The following ZNF670 variants were observed in gnomAD, a reference collection of about 807,000 sequenced individuals.
ZNF670 encodes the protein zinc finger protein 670.
ZNF670 carries 7 observed loss-of-function variants against 10.9 expected under a neutral mutation model. That is an observed-to-expected ratio of 0.64 (90% confidence interval 0.36 to 1.20). The LOEUF (loss-of-function observed/expected upper bound fraction) is 1.20. Among genes scored for constraint, ZNF670 ranks in the 50% most tolerant of loss-of-function variants. ZNF670 has a pLI of 0.02. For missense variants in ZNF670, 446 were observed against 458.6 expected, an observed-to-expected ratio of 0.97 and a Z score of 0.25; for synonymous variants, 136 against 152.7, an observed-to-expected ratio of 0.89 and a Z score of 0.81.
At position 247,078,623 on chromosome 1, in the gene ZNF670, T is replaced by A. The variant is rs1671312857; in HGVS notation, c.-27A>T. 6.2e-7 allele frequency: 1 copy of A among 1,613,240 alleles called. No individual in the cohort carries two copies. The highest frequency in any genetic ancestry group is 8.5e-7 in the Non-Finnish European group (1 of 1,179,674). ...TCCCAGTCTCCGGTGTCTGGGGTCCTCCCTAAGGACCTTCCGGGACCTGCA... is the reference window on the plus strand; with the variant it reads ...TCCCAGTCTCCGGTGTCTGGGGTCCACCCTAAGGACCTTCCGGGACCTGCA... On this transcript the variant is annotated 5_prime_UTR_variant, in exon 1 of 4. Coordinates refer to ENST00000366503, the MANE Select transcript of ZNF670 (RefSeq NM_033213.5).
intron 1 of ZNF670, among the ~76,000 whole-genome samples, chr1:247,064,724 G>A (rs939982224): frequency 1.3e-5 from 2 of 152,186 alleles, no homozygotes; most frequent in East Asian, 1.9e-4. Context: ...TCTGCAATTC[G>A]GGACGAGGCT....
intron 1 of ZNF670, among the ~76,000 whole-genome samples, chr1:247,045,803 T>C (rs1670429854): frequency 6.6e-6 from 1 of 152,064 alleles, no homozygotes; most frequent in East Asian, 1.9e-4. Flanking sequence ...TGAGGAAAAT[T>C]AGAACTTTTT....
chr1:247,066,414 A>G (rs548456323), intron 1 of ZNF670, among the ~76,000 whole-genome samples: 1 of 152,262 alleles, frequency 6.6e-6, no homozygotes, highest in South Asian at 2.1e-4. Flanking sequence ...TGGAAAAGAG[A>G]ACTGCTCAGA....
chr1:247,073,300 G>A lies in ZNF670; in HGVS notation c.3+5294C>T, dbSNP rs186388537. 3.9e-5 allele frequency among the ~76,000 whole-genome samples: 6 copies of A among 152,228 alleles called. No individual in the cohort carries two copies. The East Asian group carries it at 1.2e-3, about 29-fold the overall frequency. On this transcript the variant is annotated intron_variant, in intron 1 of 3. Coordinates refer to ENST00000366503, the MANE Select transcript of ZNF670 (RefSeq NM_033213.5). Reference sequence around the variant, plus strand: ...TGATAACCCAGCAAGATTTTATAAAGATGAACCCTGTGCTCAGTAGGTTAA... The same window carrying A: ...TGATAACCCAGCAAGATTTTATAAAAATGAACCCTGTGCTCAGTAGGTTAA...
intron 1 of ZNF670, among the ~76,000 whole-genome samples, chr1:247,042,220 G>C (rs1277593227): frequency 6.6e-6 from 1 of 152,156 alleles, no homozygotes; most frequent in African/African-American, 2.4e-5. Flanking sequence ...TAAGTAAATT[G>C]AGCAGCACAG....
intron 1 of ZNF670, among the ~76,000 whole-genome samples, chr1:247,076,558 T>C (rs1410498669): frequency 3.9e-5 from 6 of 152,032 alleles, no homozygotes; most frequent in Non-Finnish European, 7.4e-5. Flanking sequence ...ACCTGGCCTG[T>C]GTGCCTGAAT....
intron 1 of ZNF670, among the ~76,000 whole-genome samples, chr1:247,056,688 T>C (rs990395726): frequency 3.3e-5 from 5 of 151,980 alleles, no homozygotes; most frequent in Non-Finnish European, 7.4e-5. Flanking sequence ...GATCATCAGG[T>C]GAGGAGTTCG....
rs760332554 is a variant in ZNF670, at chr1:247,039,564, G to T, written c.4-27C>A. On this transcript the variant is annotated intron_variant, in intron 1 of 3. Transcript: ENST00000366503. ...TAGAATATCGCACATATGTGGAGAG[G>T]AGGATGGCTTAGACAGACAGTACTA... 2.6e-6 allele frequency: 4 copies of T among 1,541,802 alleles called. No homozygotes were observed. In the South Asian group the frequency reaches 3.8e-5, roughly 15 times the overall value.
intron 1 of ZNF670, among the ~76,000 whole-genome samples, chr1:247,054,494 G>A (rs1670671955): frequency 6.6e-6 from 1 of 152,232 alleles, no homozygotes; most frequent in Non-Finnish European, 1.5e-5. Flanking sequence ...ACTGGGCAGG[G>A]TTGTGAGGCC....
chr1:247,070,726 T>C (rs1320765099), intron 1 of ZNF670, among the ~76,000 whole-genome samples: 1 of 152,150 alleles, frequency 6.6e-6, no homozygotes, highest in Non-Finnish European at 1.5e-5. Flanking sequence ...ATATTTGCTA[T>C]CTGTGTATCT....
rs181932251 is a variant in ZNF670 at position 247,035,367 on chromosome 1, T to C, written c.*2082A>G. Among the ~76,000 whole-genome samples, 1 of 152,274 alleles carries C rather than the reference T, an allele frequency of 6.6e-6. No individual in the cohort carries two copies. Among genetic ancestry groups the C allele is most frequent in the Non-Finnish European group, 1.5e-5 (1 of 68,016 alleles). ...AGGCTGGTCCACACAAGACTTGCAC[T>C]ACGGAGCAGATAGAACAAACAGGGT... On this transcript the variant is annotated 3_prime_UTR_variant, in exon 4 of 4. Coordinates refer to ENST00000366503, the MANE Select transcript of ZNF670 (RefSeq NM_033213.5).
intron 1 of ZNF670, among the ~76,000 whole-genome samples, chr1:247,048,151 A>G (rs1037983090): frequency 6.6e-6 from 1 of 152,132 alleles, no homozygotes; most frequent in Non-Finnish European, 1.5e-5. Flanking sequence ...ATTACAGACC[A>G]CCTTTTTTTG....
intron 2 of ZNF670, 116 bp downstream of exon 2, chr1:247,039,295 A>C (rs1670249012): frequency 8.4e-7 from 1 of 1,187,444 alleles, no homozygotes; most frequent in East Asian, 2.9e-5. Flanking sequence ...TCCTGACCTC[A>C]GGCGATTCAC....
rs534297615 is a variant in ZNF670 at position 247,060,116 on chromosome 1, A to T, written c.3+18478T>A. 5.3e-5 allele frequency among the ~76,000 whole-genome samples: 8 copies of T among 152,300 alleles called. No homozygotes were observed. The East Asian group carries it at 7.7e-4, about 15-fold the overall frequency. On this transcript the variant is annotated intron_variant, in intron 1 of 3. Transcript: ENST00000366503. Reference sequence around the variant, plus strand: ...AAATCCTAACAAGTCATGTTATTTTAAAAAAAGAAAATTTATTCTAACACC... The same window carrying T: ...AAATCCTAACAAGTCATGTTATTTTTAAAAAAGAAAATTTATTCTAACACC...
At chr1:247,055,334 G>A (rs1487382384) in intron 1 of ZNF670, among the ~76,000 whole-genome samples, 5 of 152,216 alleles carry the variant, frequency 3.3e-5, no homozygotes, top group Non-Finnish European at 7.3e-5. Flanking sequence ...CCCAGGCCAA[G>A]GTCCCAGGAC....
rs1417812868 is a variant in ZNF670, at chr1:247,072,334, A to G, written c.3+6260T>C. Among the ~76,000 whole-genome samples the G allele has an allele frequency of 5.4e-5, 8 of 147,084 alleles. No homozygotes were observed. The East Asian group carries it at 1.6e-3, about 30-fold the overall frequency. Reference sequence around the variant, plus strand: ...CCTGGTTTTGTTTTTTTTTTTTTTAAAGTTCAGGCAGGGTCTCATCATGTT... The same window carrying G: ...CCTGGTTTTGTTTTTTTTTTTTTTAGAGTTCAGGCAGGGTCTCATCATGTT... On this transcript the variant is annotated intron_variant, in intron 1 of 3. Coordinates refer to ENST00000366503, the MANE Select transcript of ZNF670 (RefSeq NM_033213.5).
chr1:247,035,640 A>G lies in ZNF670; in HGVS notation c.*1809T>C, dbSNP rs889883261. The stretch of plus-strand genomic sequence containing the variant: ...ATAGTAACTTACAAAACTGTACTAT[A>G]CCACATATTATATAGCTACTTATAC... On this transcript the variant is annotated 3_prime_UTR_variant, in exon 4 of 4. Coordinates refer to ENST00000366503, the MANE Select transcript of ZNF670 (RefSeq NM_033213.5). 1.3e-5 allele frequency among the ~76,000 whole-genome samples: 2 copies of G among 152,224 alleles called. No homozygotes were observed. Among genetic ancestry groups the G allele is most frequent in the African/African-American group, 4.8e-5 (2 of 41,464 alleles).
At chr1:247,076,069 T>C (rs1048970707) in intron 1 of ZNF670, among the ~76,000 whole-genome samples, 2 of 152,078 alleles carry the variant, frequency 1.3e-5, no homozygotes, top group African/African-American at 4.8e-5. Flanking sequence ...CTGAACTAAG[T>C]GAATAAATCT....
At chr1:247,076,834 T>A (rs1671266447) in intron 1 of ZNF670, among the ~76,000 whole-genome samples, 1 of 152,184 alleles carries the variant, frequency 6.6e-6, no homozygotes, top group Non-Finnish European at 1.5e-5. Flanking sequence ...CTAATTTTTG[T>A]ATTTTTAGTA....
Sources: allele counts gnomAD v4.1 joint callset (sites outside exome capture counted in the v4.1 genomes callset), GRCh38; gene constraint gnomAD v4.1.1; transcripts MANE v1.5; gene names NCBI Gene and HGNC (gene_info 2026-07-23, HGNC 2026-07-21).